TCF25: variants seen among roughly 807,000 people sequenced by gnomAD.
TCF25 encodes the protein TCF25 ribosome quality control complex subunit.
Under a neutral mutation model 83.1 loss-of-function variants are expected in TCF25, and 41 were observed. The ratio of observed to expected loss-of-function variants is 0.49; its 90% CI spans 0.38 to 0.64. TCF25 has a LOEUF of 0.64. TCF25 is among the 30% of genes least tolerant of loss of function. The pLI, the probability that TCF25 is intolerant of heterozygous loss-of-function variation, is 0.00. For synonymous variants in TCF25, 458 were observed against 365.0 expected, an observed-to-expected ratio of 1.25 and a Z score of -2.90; for missense variants, 979 against 914.5, an observed-to-expected ratio of 1.07 and a Z score of -0.91.
chr16:89,908,916 C>T (rs899139497), intron 16 of TCF25: 1 of 1,286,904 alleles, frequency 7.8e-7, no homozygotes, highest in African/African-American at 1.5e-5. Context: ...CTTTCAGACC[C>T]AGATGCTGAG....
chr16:89,910,347 C>A, intron 16 of TCF25: 1 of 558,102 alleles, frequency 1.8e-6, no homozygotes, highest in Admixed American at 3.2e-5. Flanking sequence ...GCCACGCCTG[C>A]CTCAGCTGAG....
chr16:89,887,083 G>A (rs2043072863), intron 4 of TCF25, among the ~76,000 whole-genome samples: 1 of 151,964 alleles, frequency 6.6e-6, no homozygotes, highest in Admixed American at 6.6e-5. Context: ...ACCCAGGCTG[G>A]AGTTCAGTGG....
intron 2 of TCF25, among the ~76,000 whole-genome samples, 154 bp from the exon 3 acceptor site, chr16:89,884,428 C>T (rs1364363375): frequency 6.6e-6 from 1 of 151,988 alleles, no homozygotes; most frequent in East Asian, 1.9e-4. Context: ...AAGGTGCCTG[C>T]TGGAGAGAAG....
chr16:89,885,662 C>T (rs749690218), intron 3 of TCF25, among the ~76,000 whole-genome samples, 186 bp from the exon 4 acceptor site: 2 of 152,084 alleles, frequency 1.3e-5, no homozygotes, highest in Non-Finnish European at 2.9e-5. Flanking sequence ...CTATGCTGAG[C>T]GCTTCTTAGG....
chr16:89,910,653 A>G lies in TCF25; in HGVS notation c.1862A>G (p.Tyr621Cys). ...TTCTTCCGGTCACTGTTGCCAAACTATACCATGGAGGTAGGTTGAGCTCGT... is the reference window on the plus strand; with the variant it reads ...TTCTTCCGGTCACTGTTGCCAAACTGTACCATGGAGGTAGGTTGAGCTCGT... ...ALFFRSLLPNYTMEGERPEEG... is the reference protein window; with the variant it reads ...ALFFRSLLPNCTMEGERPEEG... The change falls in exon 17 of 18, where the codon TAT (tyrosine) becomes TGT (cysteine). Residue 621 changes from tyrosine to cysteine, a missense_variant. Tyr to Cys is a radical substitution (Grantham distance 194). Transcript: ENST00000263346. The G allele has an allele frequency of 6.2e-7, 1 of 1,613,594 alleles. No individual in the cohort carries two copies. The highest frequency in any genetic ancestry group is 8.5e-7 in the Non-Finnish European group (1 of 1,179,974).
chr16:89,895,262 C>T, intron 8 of TCF25, 125 bp downstream of exon 8: 3 of 831,052 alleles, frequency 3.6e-6, no homozygotes, highest in Non-Finnish European at 3.7e-6. Flanking sequence ...TGAGATACAA[C>T]CTACGTAGCA....
chr16:89,885,339 A>C (rs906755660), intron 3 of TCF25, among the ~76,000 whole-genome samples: 4 of 152,154 alleles, frequency 2.6e-5, no homozygotes, highest in Non-Finnish European at 5.9e-5. Flanking sequence ...TGATGGGGAC[A>C]TCCCTTCTAG....
At chr16:89,907,904 ACCTCCCAGCTCCTGCCTCCCT>A (rs2045060694) in intron 16 of TCF25, among the ~76,000 whole-genome samples, 4 of 28,922 alleles carry the variant, frequency 1.4e-4, no homozygotes, top group Non-Finnish European at 2.0e-4. Flanking sequence ...CCCGCCTCCC[ACCTCCCAGCTCCTGCCTCCCT>A]CCTCCCAGTT....
chr16:89,881,486 C>T (rs1194490341), intron 1 of TCF25, among the ~76,000 whole-genome samples: 2 of 151,894 alleles, frequency 1.3e-5, no homozygotes, highest in East Asian at 1.9e-4. Flanking sequence ...TGCTCTGTTG[C>T]CCACGCTGGA....
chr16:89,910,725 C>G, intron 17 of TCF25, 62 bp downstream of exon 17: 2 of 1,531,050 alleles, frequency 1.3e-6, no homozygotes, highest in Admixed American at 3.3e-5. Context: ...CATTCCAGTG[C>G]GAATGCCTGG....
intron 17 of TCF25, 100 bp downstream of exon 17, chr16:89,910,763 C>G (rs2045492412): frequency 1.5e-6 from 2 of 1,364,808 alleles, no homozygotes; most frequent in Non-Finnish European, 2.1e-6. Flanking sequence ...ACTGTGCCAG[C>G]CGGCACAGGG....
chr16:89,883,548 G>T, intron 2 of TCF25, 36 bp downstream of exon 2: 3 of 1,556,028 alleles, frequency 1.9e-6, no homozygotes, highest in Non-Finnish European at 2.6e-6. Flanking sequence ...GGCATCAGAC[G>T]GGAGAGTTCC....
intron 5 of TCF25, among the ~76,000 whole-genome samples, chr16:89,891,017 C>T (rs1422458050): frequency 2.6e-5 from 4 of 152,118 alleles, no homozygotes; most frequent in African/African-American, 9.7e-5. Flanking sequence ...CTCAGAATAA[C>T]AGGCACTGCT....
intron 1 of TCF25, chr16:89,878,640 G>T: frequency 9.1e-7 from 1 of 1,102,570 alleles, no homozygotes; most frequent in South Asian, 2.1e-5. Context: ...AGGTAATAAG[G>T]TGTTTTGTTT....
intron 7 of TCF25, among the ~76,000 whole-genome samples, chr16:89,894,217 C>G (rs902983784): frequency 6.6e-6 from 1 of 152,122 alleles, no homozygotes; most frequent in Non-Finnish European, 1.5e-5. Flanking sequence ...TCCCGGCCCC[C>G]GTGCAGCCCC....
chr16:89,892,125 A>C, intron 5 of TCF25, 68 bp from the exon 6 acceptor site: 1 of 1,455,542 alleles, frequency 6.9e-7, no homozygotes, highest in Non-Finnish European at 9.2e-7. Context: ...TGCAGGGATC[A>C]GGCAGCCAAG....
intron 16 of TCF25, among the ~76,000 whole-genome samples, chr16:89,908,382 C>A (rs1204840385): frequency 6.7e-6 from 1 of 150,144 alleles, no homozygotes; most frequent in African/African-American, 2.5e-5. Context: ...CAGCTCCCAC[C>A]TCCCTCCTTC....
intron 8 of TCF25, 131 bp downstream of exon 8, chr16:89,895,268 T>A: frequency 1.2e-6 from 1 of 803,366 alleles, no homozygotes; most frequent in Non-Finnish European, 1.9e-6. Context: ...ACAACCTACG[T>A]AGCACAAAAC....
chr16:89,900,616 G>C lies in TCF25; in HGVS notation c.1222-19G>C, dbSNP rs760130903. 2 of 1,565,576 alleles carry C rather than the reference G, an allele frequency of 1.3e-6. No homozygotes were observed. The highest frequency in any genetic ancestry group is 2.3e-5 in the East Asian group (1 of 43,846). ...TTTATGACTTAAGGCTCCACGCTCT[G>C]TTTCTTCGTCCCTCGTAGGCTCATC... On this transcript the variant is annotated intron_variant, in intron 11 of 17. Coordinates refer to ENST00000263346, the MANE Select transcript of TCF25 (RefSeq NM_014972.3).
Sources: allele counts gnomAD v4.1 joint callset (sites outside exome capture counted in the v4.1 genomes callset), GRCh38; gene constraint gnomAD v4.1.1; transcripts MANE v1.5; gene names NCBI Gene and HGNC (gene_info 2026-07-23, HGNC 2026-07-21).